The following OPCML variants were observed in gnomAD, a reference collection of about 807,000 sequenced individuals.
OPCML encodes the protein opioid-binding protein/cell adhesion molecule.
In OPCML, 13 loss-of-function variants were observed where a neutral mutation model predicts 37.8. The observed-to-expected ratio is 0.34, with a 90% CI of 0.22 to 0.55. OPCML has a LOEUF of 0.55. Among genes scored for constraint, OPCML ranks in the 20% least tolerant of loss-of-function variants. The pLI is 0.91. For synonymous variants in OPCML, 176 were observed against 168.8 expected, an observed-to-expected ratio of 1.04 and a Z score of -0.33; for missense variants, 341 against 435.6, an observed-to-expected ratio of 0.78 and a Z score of 1.93.
At chr11:132,716,080 C>T (rs1437567743) in intron 2 of OPCML, among the ~76,000 whole-genome samples, 1 of 152,190 alleles carries the variant, frequency 6.6e-6, no homozygotes. Context: ...CAATTTATCA[C>T]CAAAGGAAAG....
intron 4 of OPCML, among the ~76,000 whole-genome samples, chr11:132,505,628 G>A (rs916332542): frequency 6.6e-6 from 1 of 152,256 alleles, no homozygotes; most frequent in African/African-American, 2.4e-5. Context: ...CCTTAAAACA[G>A]CAACAAAATT....
At chr11:133,350,513 G>C (rs1200984194) in intron 1 of OPCML, among the ~76,000 whole-genome samples, 1 of 152,152 alleles carries the variant, frequency 6.6e-6, no homozygotes, top group Non-Finnish European at 1.5e-5. Flanking sequence ...ATCCCAATGT[G>C]AAGACAGAAT....
chr11:133,425,699 A>G (rs1488170099), intron 1 of OPCML, among the ~76,000 whole-genome samples: 1 of 152,158 alleles, frequency 6.6e-6, no homozygotes. Flanking sequence ...CAGCACCTCA[A>G]GACAGTAGGT....
intron 3 of OPCML, among the ~76,000 whole-genome samples, chr11:132,606,282 A>G (rs1938287853): frequency 6.6e-6 from 1 of 152,078 alleles, no homozygotes; most frequent in Admixed American, 6.5e-5. Flanking sequence ...CCAGATATAT[A>G]TAGATAAATG....
intron 1 of OPCML, among the ~76,000 whole-genome samples, chr11:133,401,312 G>T (rs1325517655): frequency 7.2e-5 from 11 of 151,996 alleles, no homozygotes; most frequent in Admixed American, 2.0e-4. Context: ...ATTCAAAAGG[G>T]CAGAAAATCC....
chr11:133,530,887 G>C (rs1948591925), intron 1 of OPCML, among the ~76,000 whole-genome samples: 1 of 152,020 alleles, frequency 6.6e-6, no homozygotes, highest in African/African-American at 2.4e-5. Context: ...ACTACTCAGG[G>C]AATTATATTA....
intron 1 of OPCML, among the ~76,000 whole-genome samples, chr11:133,501,930 C>A (rs760856526): frequency 1.3e-5 from 2 of 152,036 alleles, no homozygotes; most frequent in Non-Finnish European, 2.9e-5. Flanking sequence ...CTCATTCCTG[C>A]CTTTCCCTCC....
intron 1 of OPCML, among the ~76,000 whole-genome samples, chr11:133,408,240 A>G (rs1945565082): frequency 6.6e-6 from 1 of 152,234 alleles, no homozygotes; most frequent in African/African-American, 2.4e-5. Context: ...ACATTTAAGA[A>G]AGATTAATAA....
intron 2 of OPCML, among the ~76,000 whole-genome samples, chr11:132,701,465 C>G (rs1177263987): frequency 6.6e-6 from 1 of 152,150 alleles, no homozygotes; most frequent in Non-Finnish European, 1.5e-5. Context: ...ATAGCCACAC[C>G]TGCTTCCTTT....
At chr11:132,794,152 A>G (rs538306066) in intron 2 of OPCML, among the ~76,000 whole-genome samples, 1 of 152,170 alleles carries the variant, frequency 6.6e-6, no homozygotes, top group Non-Finnish European at 1.5e-5. Flanking sequence ...CCCACTTGCC[A>G]GTTGCCTCCC....
At chr11:132,566,172 T>C (rs2096422613) in intron 3 of OPCML, among the ~76,000 whole-genome samples, 1 of 152,248 alleles carries the variant, frequency 6.6e-6, no homozygotes, top group Admixed American at 6.5e-5. Context: ...TAGAATATTA[T>C]GAAGAATTTG....
intron 1 of OPCML, among the ~76,000 whole-genome samples, chr11:133,276,826 C>T (rs75860223): frequency 0.011 from 1,625 of 152,212 alleles, 13 homozygotes; most frequent in Non-Finnish European, 0.016. Context: ...CCTTCCCCAA[C>T]GACTTTGCCC....
chr11:133,185,625 TG>T (rs1938036095), intron 1 of OPCML, among the ~76,000 whole-genome samples: 1 of 152,130 alleles, frequency 6.6e-6, no homozygotes, highest in Admixed American at 6.6e-5. Context: ...AGAGAATAGA[TG>T]GGGTTAGGGA....
intron 2 of OPCML, among the ~76,000 whole-genome samples, chr11:132,732,221 A>G (rs2136012835): frequency 6.6e-6 from 1 of 152,340 alleles, no homozygotes; most frequent in South Asian, 2.1e-4. Context: ...CTACTACAGA[A>G]GTTGGAAGAG....
chr11:132,793,519 C>T (rs1938081427), intron 2 of OPCML, among the ~76,000 whole-genome samples: 1 of 152,058 alleles, frequency 6.6e-6, no homozygotes, highest in African/African-American at 2.4e-5. Flanking sequence ...TCTTCAGCAC[C>T]TTTTGTGAAA....
chr11:133,085,364 A>T (rs573772294), intron 1 of OPCML, among the ~76,000 whole-genome samples: 1 of 152,322 alleles, frequency 6.6e-6, no homozygotes, highest in Admixed American at 6.5e-5. Flanking sequence ...GCCATGTTAC[A>T]CACAGCTCTG....
At chr11:132,931,053 A>G (rs1192866003) in intron 2 of OPCML, among the ~76,000 whole-genome samples, 1 of 152,124 alleles carries the variant, frequency 6.6e-6, no homozygotes, top group Non-Finnish European at 1.5e-5. Flanking sequence ...TACCAAGACC[A>G]TTCAGTGGGG....
At chr11:132,695,824 A>T (rs181641441) in intron 2 of OPCML, among the ~76,000 whole-genome samples, 1 of 152,340 alleles carries the variant, frequency 6.6e-6, no homozygotes, top group East Asian at 1.9e-4. Context: ...AAATCCTAGA[A>T]GTATGGAGAA....
intron 3 of OPCML, among the ~76,000 whole-genome samples, chr11:132,542,476 T>A (rs890532984): frequency 6.6e-6 from 1 of 152,138 alleles, no homozygotes; most frequent in Non-Finnish European, 1.5e-5. Context: ...CCAGTCTCTA[T>A]CCAGGTCTGG....
Sources: gnomAD v4.1 joint callset for allele counts (sites outside exome capture counted in the v4.1 genomes callset) on GRCh38, gnomAD v4.1.1 for gene constraint, MANE v1.5 for transcripts, NCBI Gene and HGNC (gene_info 2026-07-23, HGNC 2026-07-21) for gene names.